The following RPS6KC1 variants were observed in gnomAD, a reference collection of about 807,000 sequenced individuals.
The protein encoded by RPS6KC1 is inactive ribosomal protein S6 kinase delta-1.
A neutral mutation model predicts 103.8 loss-of-function variants in RPS6KC1; 54 were observed. That is an observed-to-expected ratio of 0.52 (90% CI 0.42 to 0.65). RPS6KC1 has a LOEUF of 0.65. RPS6KC1 is among the 30% of genes least tolerant of loss of function. The probability of loss-of-function intolerance (pLI) is 0.00; values close to 1 mark genes in which losing one functional copy is unlikely to be tolerated. For synonymous variants in RPS6KC1, 439 were observed against 438.7 expected (o/e 1.00, Z -0.01); for missense variants, 1,151 against 1,253.8 (o/e 0.92, Z 1.24).
At chr1:213,253,273 G>GATCT (rs1410474379) in intron 12 of RPS6KC1, among the ~76,000 whole-genome samples, 12 of 152,146 alleles carry the variant, frequency 7.9e-5, no homozygotes, top group African/African-American at 2.9e-4. Flanking sequence ...AGAATGAGAT[G>GATCT]ATCTATGTGG....
chr1:213,201,416 A>G (rs1210472413), intron 8 of RPS6KC1, among the ~76,000 whole-genome samples: 1 of 152,236 alleles, frequency 6.6e-6, no homozygotes, highest in East Asian at 1.9e-4. Context: ...ACCCATGGAG[A>G]CAGTAAAAAG....
the RPS6KC1 span, among the ~76,000 whole-genome samples, chr1:213,378,139 A>C: frequency 6.6e-6 from 1 of 152,220 alleles, no homozygotes; most frequent in African/African-American, 2.4e-5. Context: ...GTAAGCTGAT[A>C]ATTGCAGTAC....
the RPS6KC1 span, among the ~76,000 whole-genome samples, chr1:213,672,436 C>T: frequency 1.7e-3 from 266 of 152,278 alleles, no homozygotes; most frequent in African/African-American, 5.9e-3. Context: ...TCTTAATTGC[C>T]AAGTTCAAAT....
At chr1:213,801,708 G>T in the RPS6KC1 span, among the ~76,000 whole-genome samples, 1 of 152,134 alleles carries the variant, frequency 6.6e-6, no homozygotes, top group African/African-American at 2.4e-5. Flanking sequence ...GGAGTGGCTT[G>T]CTTCCATGTT....
chr1:213,089,218 C>A (rs1451609273), intron 3 of RPS6KC1, among the ~76,000 whole-genome samples: 1 of 152,136 alleles, frequency 6.6e-6, no homozygotes. Context: ...CCATTCTGTT[C>A]CCCTACCAAG....
chr1:213,781,282 G>A, the RPS6KC1 span, among the ~76,000 whole-genome samples: 1 of 152,188 alleles, frequency 6.6e-6, no homozygotes, highest in Non-Finnish European at 1.5e-5. Context: ...AGGAAAATGG[G>A]AGTGTGGATC....
chr1:213,560,617 G>A, the RPS6KC1 span, among the ~76,000 whole-genome samples: 1 of 152,176 alleles, frequency 6.6e-6, no homozygotes, highest in African/African-American at 2.4e-5. Flanking sequence ...TTTAACCTTT[G>A]AGACCCTAAG....
At chr1:213,597,021 C>A in the RPS6KC1 span, among the ~76,000 whole-genome samples, 1 of 152,198 alleles carries the variant, frequency 6.6e-6, no homozygotes, top group Non-Finnish European at 1.5e-5. Context: ...AGTTCAAAAC[C>A]AAGCGACTGA....
chr1:213,375,190 CATACACAT>C, the RPS6KC1 span, among the ~76,000 whole-genome samples: 27 of 151,822 alleles, frequency 1.8e-4, no homozygotes, highest in Non-Finnish European at 3.2e-4. Flanking sequence ...CACACATGTA[CATACACAT>C]ATACACATAT....
the RPS6KC1 span, among the ~76,000 whole-genome samples, chr1:213,452,335 GAAA>G: frequency 7.4e-6 from 1 of 135,246 alleles, no homozygotes. Flanking sequence ...TCATAACTAG[GAAA>G]AAAAAAAAAA....
chr1:213,845,325 A>T, the RPS6KC1 span, among the ~76,000 whole-genome samples: 1 of 152,140 alleles, frequency 6.6e-6, no homozygotes, highest in African/African-American at 2.4e-5. Flanking sequence ...CAAACCAAAG[A>T]ACTGGGATCT....
the RPS6KC1 span, among the ~76,000 whole-genome samples, chr1:213,603,978 C>A: frequency 6.6e-6 from 1 of 152,114 alleles, no homozygotes; most frequent in Non-Finnish European, 1.5e-5. Flanking sequence ...TTGGGGAGAT[C>A]AATTTCTCCT....
the RPS6KC1 span, among the ~76,000 whole-genome samples, chr1:213,774,874 A>G: frequency 6.6e-6 from 1 of 152,252 alleles, no homozygotes; most frequent in Non-Finnish European, 1.5e-5. Flanking sequence ...AATGAGCAGG[A>G]GGCAGCCCGC....
intron 3 of RPS6KC1, among the ~76,000 whole-genome samples, chr1:213,103,030 G>A (rs1044932850): frequency 4.0e-5 from 6 of 151,890 alleles, no homozygotes; most frequent in Non-Finnish European, 7.4e-5. Context: ...AGCGTAGTGC[G>A]ACCCTCTCTC....
At chr1:213,113,587 G>T (rs1414872067) in intron 4 of RPS6KC1, among the ~76,000 whole-genome samples, 46 of 150,990 alleles carry the variant, frequency 3.0e-4, no homozygotes, top group Middle Eastern at 3.4e-3. Context: ...GTCAATTTTG[G>T]CTTTTGTTGA....
chr1:213,359,632 A>G, the RPS6KC1 span, among the ~76,000 whole-genome samples: 1 of 150,636 alleles, frequency 6.6e-6, no homozygotes, highest in Non-Finnish European at 1.5e-5. Context: ...TCGTTAGTTG[A>G]TGCAGTTTCT....
chr1:213,590,408 C>T, the RPS6KC1 span, among the ~76,000 whole-genome samples: 3 of 152,182 alleles, frequency 2.0e-5, no homozygotes, highest in Middle Eastern at 3.4e-3. Context: ...GAAAGGTCAG[C>T]GTGTTGAAGG....
At chr1:213,751,361 A>G in the RPS6KC1 span, among the ~76,000 whole-genome samples, 1 of 152,162 alleles carries the variant, frequency 6.6e-6, no homozygotes, top group Non-Finnish European at 1.5e-5. Context: ...GAAGCTGGGA[A>G]GCTGGGAAGC....
chr1:213,276,563 G>A (rs1039099520), downstream of RPS6KC1, among the ~76,000 whole-genome samples: 1 of 152,162 alleles, frequency 6.6e-6, no homozygotes, highest in East Asian at 1.9e-4. Context: ...ACAAGTATAT[G>A]ATGGATTTTT....
Sources: gnomAD v4.1 joint callset for allele counts (sites outside exome capture counted in the v4.1 genomes callset) on GRCh38, gnomAD v4.1.1 for gene constraint, MANE v1.5 for transcripts, NCBI Gene and HGNC (gene_info 2026-07-23, HGNC 2026-07-21) for gene names.